Variants in KCNMA1 observed in about 807,000 individuals in gnomAD.
The protein encoded by KCNMA1 is potassium calcium-activated channel subfamily M alpha 1.
KCNMA1 carries 29 observed loss-of-function variants against 140.0 expected under a neutral mutation model. The ratio of observed to expected loss-of-function variants is 0.21; its 90% CI spans 0.15 to 0.28. The LOEUF (loss-of-function observed/expected upper bound fraction) is 0.28. KCNMA1 is among the 10% of genes least tolerant of loss of function. KCNMA1 has a pLI of 1.00. For synonymous variants in KCNMA1, 612 were observed against 611.9 expected, an observed-to-expected ratio of 1.00 and a Z score of 0.00; for missense variants, 880 against 1,602.2, an observed-to-expected ratio of 0.55 and a Z score of 7.70.
At chr10:77,340,216 G>A (rs1047619599) in intron 2 of KCNMA1, among the ~76,000 whole-genome samples, 1 of 152,142 alleles carries the variant, frequency 6.6e-6, no homozygotes, top group African/African-American at 2.4e-5. Flanking sequence ...GAAACAACAG[G>A]TGCTGGAGAG....
At chr10:77,391,234 C>T (rs560237527) in intron 2 of KCNMA1, among the ~76,000 whole-genome samples, 23 of 152,240 alleles carry the variant, frequency 1.5e-4, no homozygotes, top group Admixed American at 2.6e-4. Context: ...CTCCCAGGGA[C>T]GTGGTGCAAA....
intron 14 of KCNMA1, among the ~76,000 whole-genome samples, chr10:77,050,699 C>T (rs954125607): frequency 1.3e-5 from 2 of 152,192 alleles, no homozygotes; most frequent in Admixed American, 1.3e-4. Flanking sequence ...ATAGGGCCCA[C>T]ATTTTGAGTA....
chr10:77,222,532 T>G (rs2050017581), intron 3 of KCNMA1, among the ~76,000 whole-genome samples: 1 of 152,214 alleles, frequency 6.6e-6, no homozygotes, highest in South Asian at 2.1e-4. Context: ...CCCAATATTT[T>G]CAGGTTCTAC....
intron 1 of KCNMA1, among the ~76,000 whole-genome samples, chr10:77,408,737 C>T (rs2096552510): frequency 6.6e-6 from 1 of 152,188 alleles, no homozygotes; most frequent in Non-Finnish European, 1.5e-5. Context: ...GGGAGGCCAT[C>T]TCAGAAAGAG....
rs375929590 is a variant in KCNMA1 at position 77,111,851 on chromosome 10, G to A, written c.960+516C>T. ...AAGTCTGCCTTCGGGTGGTGTGAGG[G>A]GCTTGACTTAATACAAGGCTTTCAA... On this transcript the variant is annotated intron_variant, in intron 7 of 27. Coordinates refer to ENST00000286628, the MANE Select transcript of KCNMA1 (RefSeq NM_001161352.2). 6.6e-5 allele frequency among the ~76,000 whole-genome samples: 10 copies of A among 152,224 alleles called. No homozygotes were observed. In the East Asian group the frequency reaches 1.9e-3, roughly 29 times the overall value.
At chr10:77,180,412 C>A (rs1565032712) in intron 5 of KCNMA1, among the ~76,000 whole-genome samples, 1 of 152,182 alleles carries the variant, frequency 6.6e-6, no homozygotes, top group African/African-American at 2.4e-5. Flanking sequence ...ACAGGGAGAT[C>A]AGTTTTAGAT....
At chr10:76,921,779 G>A (rs2055897531) in intron 23 of KCNMA1, among the ~76,000 whole-genome samples, 1 of 152,102 alleles carries the variant, frequency 6.6e-6, no homozygotes, top group Non-Finnish European at 1.5e-5. Context: ...AGGTTGATTT[G>A]GGAAACAGGT....
At chr10:77,382,472 CAT>C (rs531860332) in intron 2 of KCNMA1, among the ~76,000 whole-genome samples, 2 of 152,292 alleles carry the variant, frequency 1.3e-5, no homozygotes, top group East Asian at 3.9e-4. Flanking sequence ...CCAGAAGAAA[CAT>C]AAGACAAACC....
chr10:77,375,150 A>T (rs2095000652), intron 2 of KCNMA1, among the ~76,000 whole-genome samples: 1 of 152,188 alleles, frequency 6.6e-6, no homozygotes, highest in Non-Finnish European at 1.5e-5. Flanking sequence ...GAGCTGTGGC[A>T]CCATTGGCGG....
intron 1 of KCNMA1, among the ~76,000 whole-genome samples, chr10:77,573,608 AAATGGAATGGAATGGAATGG>A (rs1207560008): frequency 2.1e-3 from 120 of 58,194 alleles, no homozygotes; most frequent in African/African-American, 5.5e-3. Flanking sequence ...TTTTTTAAGA[AAATGGAATGGAATGGAATGG>A]AATGGAATGG....
At chr10:76,876,168 G>C (rs1258075779), downstream of KCNMA1, 1 of 152,546 alleles carries the variant, frequency 6.6e-6, no homozygotes, top group Non-Finnish European at 1.5e-5. Flanking sequence ...GATCTGATTT[G>C]CACTACCATA....
At chr10:77,436,470 T>G (rs1044460350) in intron 1 of KCNMA1, among the ~76,000 whole-genome samples, 19 of 152,244 alleles carry the variant, frequency 1.2e-4, no homozygotes, top group African/African-American at 4.3e-4. Flanking sequence ...AAAGAAAACT[T>G]GCAGAGAAAG....
At chr10:77,228,311 G>C (rs1038033868) in intron 3 of KCNMA1, among the ~76,000 whole-genome samples, 2 of 152,224 alleles carry the variant, frequency 1.3e-5, no homozygotes, top group East Asian at 3.9e-4. Flanking sequence ...GATGAATTAG[G>C]GGGTAAGCCA....
intron 2 of KCNMA1, among the ~76,000 whole-genome samples, chr10:77,364,428 G>T (rs1308008384): frequency 6.6e-6 from 1 of 151,770 alleles, no homozygotes; most frequent in Non-Finnish European, 1.5e-5. Context: ...TCCAGCTTGG[G>T]TAACAGAGCA....
At position 77,314,885 on chromosome 10, in the gene KCNMA1, A is replaced by G. The variant is rs2080343174; in HGVS notation, c.541-63629T>C. Among the ~76,000 whole-genome samples, 3 of 151,644 alleles carry G rather than the reference A, an allele frequency of 2.0e-5. No homozygotes were observed. The South Asian group carries it at 6.3e-4, about 32-fold the overall frequency. ...GACCACAACCCTCAGGAAGAAATGT[A>G]CTTTACAACATGGTTCAGAAGACAC... On this transcript the variant is annotated intron_variant, in intron 2 of 27. Coordinates refer to ENST00000286628, the MANE Select transcript of KCNMA1 (RefSeq NM_001161352.2).
In KCNMA1 at chr10:77,405,662, G is replaced by A. The variant is rs114957499; in HGVS notation, c.379-1639C>T. 7.5e-3 allele frequency among the ~76,000 whole-genome samples: 1,147 copies of A among 152,306 alleles called. 20 individuals are homozygous for A. The highest frequency in any genetic ancestry group is 0.026 in the African/African-American group (1,082 of 41,548). Reference sequence around the variant, plus strand: ...ACAAATACCCACTGCAACTATGACTGCAGATGAAGATGTTTAAAAAGATGC... The same window carrying A: ...ACAAATACCCACTGCAACTATGACTACAGATGAAGATGTTTAAAAAGATGC... On this transcript the variant is annotated intron_variant, in intron 1 of 27. Transcript: ENST00000286628.
At chr10:76,917,614 G>A (rs1425627105) in intron 23 of KCNMA1, among the ~76,000 whole-genome samples, 1 of 152,024 alleles carries the variant, frequency 6.6e-6, no homozygotes, top group African/African-American at 2.4e-5. Context: ...ACTATGGTAG[G>A]TGTCCAAAGA....
At chr10:77,393,838 C>T (rs879669583) in intron 2 of KCNMA1, among the ~76,000 whole-genome samples, 3 of 152,246 alleles carry the variant, frequency 2.0e-5, no homozygotes, top group South Asian at 2.1e-4. Flanking sequence ...GGCAGGGTTT[C>T]TCACTCCCAG....
chr10:76,947,204 G>A (rs1028940159), intron 22 of KCNMA1, among the ~76,000 whole-genome samples: 2 of 152,014 alleles, frequency 1.3e-5, no homozygotes, highest in Non-Finnish European at 2.9e-5. Flanking sequence ...AGGCATGGTG[G>A]TGCATGCCTG....
Sources: allele counts gnomAD v4.1 joint callset (sites outside exome capture counted in the v4.1 genomes callset), GRCh38; gene constraint gnomAD v4.1.1; transcripts MANE v1.5; gene names NCBI Gene and HGNC (gene_info 2026-07-23, HGNC 2026-07-21).